ASTN2: variants seen among roughly 807,000 people sequenced by gnomAD.
ASTN2 encodes astrotactin 2.
Under a neutral mutation model 139.8 loss-of-function variants are expected in ASTN2, and 54 were observed. The observed-to-expected ratio is 0.39, with a 90% CI of 0.31 to 0.48. ASTN2 has a LOEUF of 0.48. Ranked by LOEUF, ASTN2 falls within the 20% of genes least tolerant of loss-of-function variation. The pLI, the probability that ASTN2 is intolerant of heterozygous loss-of-function variation, is 0.95. For synonymous variants in ASTN2, 756 were observed against 719.5 expected (o/e 1.05, Z -0.81); for missense variants, 1,565 against 1,725.1 (o/e 0.91, Z 1.64).
chr9:117,120,290 C>T (rs956587298), intron 4 of ASTN2, among the ~76,000 whole-genome samples: 2 of 151,816 alleles, frequency 1.3e-5, no homozygotes, highest in Non-Finnish European at 2.9e-5. Context: ...CTTGCTCACA[C>T]CTACAACATG....
At chr9:116,729,885 C>CT (rs1828731919) in intron 14 of ASTN2, among the ~76,000 whole-genome samples, 1 of 152,104 alleles carries the variant, frequency 6.6e-6, no homozygotes, top group Non-Finnish European at 1.5e-5. Context: ...CATAAAACCC[C>CT]TTTTGTATGA....
intron 17 of ASTN2, among the ~76,000 whole-genome samples, chr9:116,643,309 G>A (rs187191319): frequency 2.6e-5 from 4 of 152,186 alleles, no homozygotes; most frequent in South Asian, 2.1e-4. Context: ...AGTCTAGACC[G>A]GGGTTTGGCA....
rs576963223 is a variant in ASTN2 at position 116,688,768 on chromosome 9, T to C, written c.2807-36975A>G. Among the ~76,000 whole-genome samples the C allele has an allele frequency of 3.9e-5, 6 of 152,050 alleles. No homozygotes were observed. The South Asian group carries it at 1.2e-3, about 32-fold the overall frequency. On this transcript the variant is annotated intron_variant, in intron 16 of 22. Coordinates refer to ENST00000313400, the MANE Select transcript of ASTN2 (RefSeq NM_001365068.1). The stretch of plus-strand genomic sequence containing the variant: ...ATAGAAAGTGAGACCTCCAGGGGAA[T>C]GAGTGGAATAATTTATCCTATATAA...
At chr9:117,315,937 T>C (rs1051451149) in intron 1 of ASTN2, among the ~76,000 whole-genome samples, 1 of 152,226 alleles carries the variant, frequency 6.6e-6, no homozygotes, top group Non-Finnish European at 1.5e-5. Flanking sequence ...GTAGTCATAA[T>C]AGGCAACGTC....
rs773638659 is a variant in ASTN2 at position 117,008,100 on chromosome 9, G to A, written c.1583C>T (p.Pro528Leu). 5 of 1,587,872 alleles carry A rather than the reference G, an allele frequency of 3.1e-6. No individual in the cohort carries two copies. Among genetic ancestry groups the A allele is most frequent in the Non-Finnish European group, 4.3e-6 (5 of 1,166,046 alleles). ...TTDACEQLCD[P>L]ETGECSCHEG... ...CGGCTCCCATGGCTCACCGGTTTCT[G>A]GGTCGCAGAGCTGCTCACAGGCATC... The change falls in exon 7 of 23, where the codon CCA becomes CTA. Residue 528 changes from proline (P) to leucine (L), a missense_variant. Around this residue, in one of 4 missense-constraint regions of ASTN2, gnomAD observed 503 missense variants for 591.7 expected, o/e 0.85. Transcript: ENST00000313400.
At chr9:116,616,098 A>C (rs1855839539) in intron 19 of ASTN2, among the ~76,000 whole-genome samples, 1 of 152,208 alleles carries the variant, frequency 6.6e-6, no homozygotes, top group Non-Finnish European at 1.5e-5. Context: ...AAACGTCATC[A>C]AAATTGGAAA....
chr9:117,366,860 C>T (rs1184070857), intron 1 of ASTN2, among the ~76,000 whole-genome samples: 2 of 152,070 alleles, frequency 1.3e-5, no homozygotes, highest in Admixed American at 6.6e-5. Context: ...CTGCAACCTC[C>T]GCCTCCTGGG....
At chr9:116,692,863 T>G (rs1860642460) in intron 16 of ASTN2, among the ~76,000 whole-genome samples, 1 of 152,140 alleles carries the variant, frequency 6.6e-6, no homozygotes, top group African/African-American at 2.4e-5. Context: ...GTAAGGAGAT[T>G]GCTACGAATT....
rs544636272 is a variant in ASTN2, at chr9:117,360,084, T to C, written c.442+54413A>G. On this transcript the variant is annotated intron_variant, in intron 1 of 22. Transcript: ENST00000313400. ...CTTATTGACTCTGACCCCTAGTGTG[T>C]GTGTGCAGCTGTCCGGCACATAGAG... Among the ~76,000 whole-genome samples the C allele has an allele frequency of 3.3e-5, 5 of 152,270 alleles. No individual in the cohort carries two copies. The South Asian group carries it at 1.0e-3, about 32-fold the overall frequency.
chr9:116,998,460 C>T (rs1837083842), intron 7 of ASTN2, among the ~76,000 whole-genome samples: 1 of 152,118 alleles, frequency 6.6e-6, no homozygotes, highest in African/African-American at 2.4e-5. Flanking sequence ...GTTGTCAGCA[C>T]CCTGAGAACT....
chr9:117,291,942 T>C (rs1402228267), intron 1 of ASTN2, among the ~76,000 whole-genome samples: 2 of 152,316 alleles, frequency 1.3e-5, no homozygotes, highest in East Asian at 3.9e-4. Context: ...GAAGTACTCA[T>C]GGCCAAACCT....
At chr9:117,249,207 A>G (rs1833469488) in intron 2 of ASTN2, among the ~76,000 whole-genome samples, 1 of 152,198 alleles carries the variant, frequency 6.6e-6, no homozygotes, top group African/African-American at 2.4e-5. Context: ...AGAAAGAAAA[A>G]CAAGGCAATA....
At chr9:116,559,658 T>C (rs1456364953) in intron 19 of ASTN2, among the ~76,000 whole-genome samples, 2 of 152,130 alleles carry the variant, frequency 1.3e-5, no homozygotes, top group East Asian at 3.9e-4. Flanking sequence ...CCTGATCACA[T>C]CTAATACCAA....
At chr9:117,124,816 A>G (rs540028748) in intron 4 of ASTN2, among the ~76,000 whole-genome samples, 10 of 151,978 alleles carry the variant, frequency 6.6e-5, no homozygotes, top group African/African-American at 2.4e-4. Flanking sequence ...ATGAAAAAAA[A>G]AAAAAAAAAA....
chr9:116,802,083 C>CTTTTTTTTTTTTTTTTTT (rs796156202), intron 13 of ASTN2, among the ~76,000 whole-genome samples: 2 of 121,748 alleles, frequency 1.6e-5, no homozygotes, highest in Non-Finnish European at 3.3e-5. Context: ...TTCTTTCTTT[C>CTTTTTTTTTTTTTTTTTT]TTTTTTTTTT....
At chr9:116,740,794 G>A (rs1048606104) in intron 13 of ASTN2, among the ~76,000 whole-genome samples, 30 of 151,614 alleles carry the variant, frequency 2.0e-4, no homozygotes, top group Non-Finnish European at 4.0e-4. Context: ...GATTACAGGC[G>A]TGAACCACCG....
chr9:116,954,759 T>C (rs747663270), intron 10 of ASTN2, among the ~76,000 whole-genome samples: 3 of 152,218 alleles, frequency 2.0e-5, no homozygotes, highest in Non-Finnish European at 2.9e-5. Flanking sequence ...ATCAGCCTCA[T>C]TGTCTTTTCA....
intron 7 of ASTN2, among the ~76,000 whole-genome samples, chr9:117,004,530 C>G (rs564463975): frequency 6.6e-6 from 1 of 152,130 alleles, no homozygotes. Context: ...GGCAGAGACA[C>G]AAAAGTTAAC....
intron 2 of ASTN2, among the ~76,000 whole-genome samples, chr9:117,254,683 T>C (rs914614756): frequency 8.5e-5 from 13 of 152,216 alleles, no homozygotes; most frequent in African/African-American, 2.2e-4. Context: ...TATATATGTA[T>C]GTAATTAACT....
Sources: allele counts gnomAD v4.1 joint callset (sites outside exome capture counted in the v4.1 genomes callset), GRCh38; gene constraint gnomAD v4.1.1; regional missense constraint gnomAD v4.1.1; transcripts MANE v1.5; gene names NCBI Gene and HGNC (gene_info 2026-07-23, HGNC 2026-07-21).